NUP42: variants seen among roughly 807,000 people sequenced by gnomAD.
NUP42 encodes the protein nucleoporin 42.
NUP42 carries 47 observed loss-of-function variants against 35.9 expected under a neutral mutation model. The ratio of observed to expected loss-of-function variants is 1.31; its 90% confidence interval spans 1.04 to 1.67. NUP42 has a LOEUF of 1.67. NUP42 is among the 40% of genes most tolerant of loss of function. NUP42 has a pLI of 0.00. For synonymous variants in NUP42, 173 were observed against 173.3 expected (o/e 1.00, Z 0.01); for missense variants, 514 against 492.2 (o/e 1.04, Z -0.42).
intron 3 of NUP42, among the ~76,000 whole-genome samples, chr7:23,191,921 C>T (rs1785806454): frequency 6.6e-6 from 1 of 152,086 alleles, no homozygotes; most frequent in Non-Finnish European, 1.5e-5. Flanking sequence ...TGAGCCACTG[C>T]ACTCCAGCCT....
intron 3 of NUP42, among the ~76,000 whole-genome samples, chr7:23,193,479 C>T (rs577665262): frequency 3.4e-4 from 52 of 152,244 alleles, no homozygotes; most frequent in African/African-American, 1.3e-3. Context: ...TCTCCAAGTC[C>T]CAACCAGAGT....
At chr7:23,199,749 A>G (rs999504249) in intron 6 of NUP42, among the ~76,000 whole-genome samples, 1 of 152,220 alleles carries the variant, frequency 6.6e-6, no homozygotes, top group African/African-American at 2.4e-5. Context: ...TAAGCTTTAG[A>G]AGTACATTTT....
At chr7:23,196,930 T>C (rs1786032246) in intron 5 of NUP42, among the ~76,000 whole-genome samples, 164 bp downstream of exon 5, 1 of 152,230 alleles carries the variant, frequency 6.6e-6, no homozygotes, top group Non-Finnish European at 1.5e-5. Context: ...CTTGAAATAG[T>C]TTTCTCTGTG....
chr7:23,200,256 C>G lies in NUP42; in HGVS notation c.783C>G (p.Ser261Arg). Residue 261 changes from serine to arginine, a missense_variant, in exon 7 of 7, where the codon AGC becomes AGG. By Grantham distance (110) the Ser-to-Arg change is moderately radical. Coordinates refer to ENST00000258742, the MANE Select transcript of NUP42 (RefSeq NM_007342.3). ...NSGFAAASSG[S>R]PAGFGSSPAF... Reference sequence around the variant, plus strand: ...GATTTGCTGCTGCCTCTTCTGGAAGCCCTGCTGGTTTTGGGAGTTCCCCAG... The same window carrying G: ...GATTTGCTGCTGCCTCTTCTGGAAGGCCTGCTGGTTTTGGGAGTTCCCCAG... 1 of 1,603,416 alleles carries G rather than the reference C, an allele frequency of 6.2e-7. No homozygotes were observed. The highest frequency in any genetic ancestry group is 8.5e-7 in the Non-Finnish European group (1 of 1,173,358).
intron 3 of NUP42, among the ~76,000 whole-genome samples, chr7:23,193,040 T>C (rs1637221): frequency 0.46 from 69,213 of 151,552 alleles, 17,065 homozygotes; most frequent in African/African-American, 0.65. Flanking sequence ...AGTGAAGCTG[T>C]GGACCTTCGC....
At chr7:23,188,438 T>G in intron 3 of NUP42, 1 of 985,418 alleles carries the variant, frequency 1.0e-6, no homozygotes. Flanking sequence ...CACAAAGTAT[T>G]AAGCCCTTAA....
intron 5 of NUP42, 158 bp from the exon 6 acceptor site, chr7:23,199,300 C>T (rs1278463166): frequency 5.1e-6 from 3 of 592,552 alleles, no homozygotes; most frequent in Non-Finnish European, 6.1e-6. Flanking sequence ...CCTTCACCCT[C>T]CTCAGCCTCC....
chr7:23,197,197 CACCT>C lies in NUP42; in HGVS notation c.609+432_609+435del, dbSNP rs1368118139. ...GAAATGCCTTTGGAAGATATATACC[CACCT>C]GTCTCCAAAGATCTATGGTCCCGAC... is the stretch of plus-strand genomic sequence containing the variant. On this transcript the variant is annotated intron_variant, in intron 5 of 6. Transcript: ENST00000258742. 2.3e-6 allele frequency: 3 copies of C among 1,301,264 alleles called. No homozygotes were observed. In the South Asian group the frequency reaches 3.7e-5, roughly 16 times the overall value. 80.6% of individuals were successfully genotyped at this position (1,301,264 alleles called of 1,614,324 possible).
At chr7:23,193,820 G>C (rs1255467268) in intron 3 of NUP42, among the ~76,000 whole-genome samples, 4 of 152,228 alleles carry the variant, frequency 2.6e-5, no homozygotes, top group South Asian at 2.1e-4. Flanking sequence ...GCTCAGGAGC[G>C]CACGGAGGTG....
At chr7:23,186,320 AT>A (rs200663022) in intron 2 of NUP42, among the ~76,000 whole-genome samples, 69 of 151,864 alleles carry the variant, frequency 4.5e-4, no homozygotes, top group African/African-American at 1.4e-3. Flanking sequence ...TATACAACCG[AT>A]TTTTTTTTAA....
At chr7:23,193,294 C>CTTT (rs1785877602) in intron 3 of NUP42, among the ~76,000 whole-genome samples, 1 of 152,296 alleles carries the variant, frequency 6.6e-6, no homozygotes, top group African/African-American at 2.4e-5. Flanking sequence ...GGGCAGCCTG[C>CTTT]TTTTATTCTC....
Position 23,199,438 on chromosome 7 carries a change from T to A in NUP42, c.610-20T>A, listed in dbSNP as rs961647625. The A allele has an allele frequency of 1.9e-6, 3 of 1,600,616 alleles. No homozygotes were observed. Among genetic ancestry groups the A allele is most frequent in the Non-Finnish European group, 2.6e-6 (3 of 1,167,910 alleles). On this transcript the variant is annotated intron_variant, in intron 5 of 6. Transcript: ENST00000258742. Reference sequence around the variant, plus strand: ...ACTATTCATCAAGCACTTTATTATTTGCACACTTTTTTTTTTCAGCTCTCT... The same window carrying A: ...ACTATTCATCAAGCACTTTATTATTAGCACACTTTTTTTTTTCAGCTCTCT...
At position 23,196,886 on chromosome 7, in the gene NUP42, CAT is replaced by C. The variant is rs966719816; in HGVS notation, c.609+121_609+122del. On this transcript the variant is annotated intron_variant, in intron 5 of 6. Transcript: ENST00000258742. ...TTTCTATCAAGAATTATGATACACACATTCCCAAAATAGCATCACTTAAGAGT... is the reference window on the plus strand; with the variant it reads ...TTTCTATCAAGAATTATGATACACACTCCCAAAATAGCATCACTTAAGAGT... The C allele has an allele frequency of 5.8e-6, 4 of 684,112 alleles. No individual in the cohort carries two copies. The African/African-American group carries it at 7.3e-5, about 12-fold the overall frequency. The allele number at this position is 684,112 out of a possible 1,614,324, so 42.4% of individuals were successfully genotyped here. A position where few individuals can be genotyped will look rare whatever the true frequency, so the allele number is the denominator to read the frequency against.
chr7:23,192,152 G>T (rs770691838), intron 3 of NUP42, among the ~76,000 whole-genome samples: 1 of 152,060 alleles, frequency 6.6e-6, no homozygotes, highest in South Asian at 2.1e-4. Context: ...AAAGTTTAGC[G>T]GCACTGATCC....
At chr7:23,188,652 TA>T in intron 3 of NUP42, 6 of 540,812 alleles carry the variant, frequency 1.1e-5, no homozygotes, top group Non-Finnish European at 1.2e-5. Context: ...ACATTTATAC[TA>T]AAAAAAGTAT....
At chr7:23,189,625 T>A (rs1404057162) in intron 3 of NUP42, among the ~76,000 whole-genome samples, 2 of 144,428 alleles carry the variant, frequency 1.4e-5, no homozygotes, top group Non-Finnish European at 3.0e-5. Flanking sequence ...TTTAAAAAAT[T>A]TTTTTGGCTG....
chr7:23,183,905 T>A (rs926518150), intron 1 of NUP42, among the ~76,000 whole-genome samples: 1 of 148,972 alleles, frequency 6.7e-6, no homozygotes, highest in Non-Finnish European at 1.5e-5. Flanking sequence ...TTTTTTTTTT[T>A]AGGGTAGTTT....
rs79806987 is a variant in NUP42, at chr7:23,185,268, C to A, written c.320C>A (p.Pro107His). The change falls in exon 2 of 7, where the codon CCT becomes CAT. Residue 107 changes from proline to histidine, a missense_variant. Transcript: ENST00000258742. ...GAGAACCCATTTGCTTCACTTAGTC[C>A]TGATGAGCAGAAAGATGAAAAGAAA... Reference protein sequence around the residue: ...LSENPFASLSPDEQKDEKKLL... With the variant: ...LSENPFASLSHDEQKDEKKLL... 6.2e-7 allele frequency: 1 copy of A among 1,612,968 alleles called. No homozygotes were observed. Among genetic ancestry groups the A allele is most frequent in the Non-Finnish European group, 8.5e-7 (1 of 1,179,602 alleles).
chr7:23,195,857 C>T lies in NUP42; in HGVS notation c.464C>T (p.Pro155Leu). 6.2e-7 allele frequency: 1 copy of T among 1,601,124 alleles called. No individual in the cohort carries two copies. The highest frequency in any genetic ancestry group is 8.5e-7 in the Non-Finnish European group (1 of 1,174,192). ...PNISGFTDIS[P>L]EELRLEYHNF... Reference sequence around the variant, plus strand: ...ACTTCAGGTTTTACAGACATTTCACCAGAGGAATTGAGGCTTGAATACCAT... The same window carrying T: ...ACTTCAGGTTTTACAGACATTTCACTAGAGGAATTGAGGCTTGAATACCAT... The change falls in exon 4 of 7, where the codon CCA becomes CTA. Residue 155 changes from proline (P) to leucine (L), a missense_variant. Pro to Leu is a moderately conservative substitution (Grantham distance 98). Coordinates refer to ENST00000258742, the MANE Select transcript of NUP42 (RefSeq NM_007342.3).
Sources: gnomAD v4.1 joint callset for allele counts (sites outside exome capture counted in the v4.1 genomes callset) on GRCh38, gnomAD v4.1.1 for gene constraint, MANE v1.5 for transcripts, NCBI Gene and HGNC (gene_info 2026-07-23, HGNC 2026-07-21) for gene names.